DACH2: variants seen among roughly 807,000 people sequenced by gnomAD.
DACH2 encodes dachshund homolog 2.
A neutral mutation model predicts 35.8 loss-of-function variants in DACH2; 17 were observed. The observed-to-expected ratio is 0.48, with a 90% CI of 0.33 to 0.71. The LOEUF is 0.71. DACH2 is among the 30% of genes least tolerant of loss of function. The pLI, the probability that DACH2 is intolerant of heterozygous loss-of-function variation, is 0.02. For missense variants in DACH2, 469 were observed against 472.7 expected (o/e 0.99, Z 0.07); for synonymous variants, 195 against 177.3 (o/e 1.10, Z -0.79).
intron 2 of DACH2, among the ~76,000 whole-genome samples, chrX:86,456,984 C>G (rs2037487137): frequency 9.0e-6 from 1 of 111,451 alleles, no homozygotes; most frequent in Non-Finnish European, 1.9e-5. Context: ...TCTTGTATGT[C>G]TGATGTTTCT....
chrX:86,538,657 C>A (rs1220809688), intron 3 of DACH2, among the ~76,000 whole-genome samples: 1 of 111,334 alleles, frequency 9.0e-6, no homozygotes, highest in Non-Finnish European at 1.9e-5. Context: ...GACAAGAGAG[C>A]AAACTTTTAG....
intron 3 of DACH2, among the ~76,000 whole-genome samples, chrX:86,594,968 T>C (rs767924052): frequency 1.1e-4 from 12 of 111,793 alleles, no homozygotes; most frequent in Non-Finnish European, 1.9e-4. Context: ...GTTAGGCACA[T>C]TCACCTTCAG....
intron 1 of DACH2, among the ~76,000 whole-genome samples, chrX:86,318,010 G>A (rs1374212163): frequency 8.9e-6 from 1 of 111,831 alleles, no homozygotes; most frequent in Non-Finnish European, 1.9e-5. Context: ...AAAACAACCA[G>A]TTTTTCCAAT....
At chrX:86,170,720 A>C (rs777138624) in intron 1 of DACH2, among the ~76,000 whole-genome samples, 1 of 112,452 alleles carries the variant, frequency 8.9e-6, no homozygotes, top group African/African-American at 3.2e-5. Flanking sequence ...AACCCAAAAT[A>C]TCTGAGACAG....
chrX:86,300,795 A>T (rs1393695500), intron 1 of DACH2, among the ~76,000 whole-genome samples: 6 of 112,380 alleles, frequency 5.3e-5, no homozygotes, highest in Admixed American at 3.8e-4. Flanking sequence ...TATACAATTT[A>T]TAGTTATATT....
chrX:86,549,970 T>C (rs949476058), intron 3 of DACH2, among the ~76,000 whole-genome samples: 3 of 111,810 alleles, frequency 2.7e-5, no homozygotes, highest in Non-Finnish European at 5.7e-5. Flanking sequence ...CTTTGAAGAC[T>C]GTTATTTATC....
chrX:86,443,079 AT>A (rs1215122897), intron 2 of DACH2, among the ~76,000 whole-genome samples: 1 of 111,511 alleles, frequency 9.0e-6, no homozygotes, highest in Non-Finnish European at 1.9e-5. Context: ...GTTCCATATA[AT>A]TTTTAGAATT....
At chrX:86,772,011 GAATCTA>G (rs2041992262) in intron 7 of DACH2, among the ~76,000 whole-genome samples, 1 of 111,664 alleles carries the variant, frequency 9.0e-6, no homozygotes, top group African/African-American at 3.3e-5. Context: ...TAACAGTGCA[GAATCTA>G]GAGTGAGACA....
intron 3 of DACH2, among the ~76,000 whole-genome samples, chrX:86,583,711 T>C (rs1172116785): frequency 1.8e-5 from 2 of 110,074 alleles, no homozygotes; most frequent in East Asian, 2.8e-4. Context: ...GAAATACATA[T>C]ATTAATTTTC....
In DACH2 at chrX:86,814,691, C is replaced by T; in HGVS notation, c.1541C>T (p.Thr514Ile). The T allele has an allele frequency of 8.3e-7, 1 of 1,210,177 alleles. No individual in the cohort carries two copies. Among genetic ancestry groups the T allele is most frequent in the African/African-American group, 1.7e-5 (1 of 57,672 alleles). ...CAAACTACCTTTTACATTTCAGCTA[C>T]TATGCAAAAGCGCCTGAAGAAGGAG... is the stretch of plus-strand genomic sequence containing the variant. ...QLAVELQSRT[T>I]MQKRLKKEKK... The change falls in exon 10 of 12, where the codon ACT (threonine) becomes ATT (isoleucine). Residue 514 changes from threonine (T) to isoleucine (I), a missense_variant. Thr to Ile is a moderately conservative substitution (Grantham distance 89). This residue lies in a region of DACH2 where 363 missense variants were observed against 334.4 expected (regional missense o/e 1.09). Transcript: ENST00000373125.
chrX:86,695,926 C>G (rs968939126), intron 5 of DACH2, among the ~76,000 whole-genome samples: 3 of 110,898 alleles, frequency 2.7e-5, no homozygotes, highest in Non-Finnish European at 5.7e-5. Flanking sequence ...TTAAGGTTAC[C>G]GTGAGATCTC....
intron 2 of DACH2, among the ~76,000 whole-genome samples, chrX:86,409,220 C>T (rs1205176048): frequency 9.0e-6 from 1 of 111,123 alleles, no homozygotes; most frequent in Non-Finnish European, 1.9e-5. Context: ...ACATTCTTTT[C>T]AGGTTGCAAA....
intron 1 of DACH2, among the ~76,000 whole-genome samples, chrX:86,317,143 G>T (rs991835689): frequency 9.4e-6 from 1 of 106,390 alleles, no homozygotes; most frequent in Non-Finnish European, 1.9e-5. Flanking sequence ...AGGAATATAA[G>T]GTCCAAATGT....
intron 2 of DACH2, among the ~76,000 whole-genome samples, chrX:86,456,051 A>G (rs1231622501): frequency 8.9e-6 from 1 of 111,964 alleles, no homozygotes; most frequent in African/African-American, 3.2e-5. Flanking sequence ...GGGTAGCACA[A>G]TCACTCACCA....
Position 86,707,746 on chromosome X carries a change from C to A in DACH2, c.932-6802C>A, listed in dbSNP as rs1333378188. On this transcript the variant is annotated intron_variant, in intron 5 of 11. Transcript: ENST00000373125. ...CCTGGCCAACATGCTGAAACCCCGTCTCTACTAAAAGTACAAAAATTAGCT... is the reference window on the plus strand; with the variant it reads ...CCTGGCCAACATGCTGAAACCCCGTATCTACTAAAAGTACAAAAATTAGCT... 2.8e-5 allele frequency among the ~76,000 whole-genome samples: 3 copies of A among 107,979 alleles called. No homozygotes were observed. In the East Asian group the frequency reaches 8.8e-4, roughly 32 times the overall value. 93.8% of individuals were successfully genotyped at this position (107,979 alleles called of 115,157 possible). A position where few individuals can be genotyped will look rare whatever the true frequency, so the allele number is the denominator to read the frequency against.
At chrX:86,579,476 C>CAA (rs374196979) in intron 3 of DACH2, among the ~76,000 whole-genome samples, 80 of 100,518 alleles carry the variant, frequency 8.0e-4, no homozygotes, top group African/African-American at 2.5e-3. Context: ...GGTGAGTGGA[C>CAA]AAAAAAAAAA....
intron 2 of DACH2, among the ~76,000 whole-genome samples, chrX:86,461,282 A>T (rs1382994157): frequency 9.0e-6 from 1 of 111,481 alleles, no homozygotes; most frequent in Non-Finnish European, 1.9e-5. Flanking sequence ...ATTGATTAAG[A>T]AATCATAATT....
intron 1 of DACH2, among the ~76,000 whole-genome samples, chrX:86,183,408 C>A (rs1482794144): frequency 1.8e-5 from 2 of 111,857 alleles, no homozygotes; most frequent in African/African-American, 3.3e-5. Flanking sequence ...TTATCAAAGG[C>A]CTTTTCTGCA....
intron 1 of DACH2, among the ~76,000 whole-genome samples, chrX:86,323,461 G>C (rs190076030): frequency 1.8e-4 from 20 of 112,139 alleles, no homozygotes; most frequent in Admixed American, 1.9e-4. Flanking sequence ...CTGCATGCCT[G>C]GTTGCTAAGC....
Sources: gnomAD v4.1 joint callset for allele counts (sites outside exome capture counted in the v4.1 genomes callset) on GRCh38, gnomAD v4.1.1 for gene constraint, gnomAD v4.1.1 regional missense constraint, MANE v1.5 for transcripts, NCBI Gene and HGNC (gene_info 2026-07-23, HGNC 2026-07-21) for gene names.